STK39: variants seen among roughly 807,000 people sequenced by gnomAD.
STK39 encodes the protein serine/threonine kinase 39, also known as STE20/SPS1-related proline-alanine-rich protein kinase.
A neutral mutation model predicts 77.8 loss-of-function variants in STK39; 20 were observed. The ratio of observed to expected loss-of-function variants is 0.26; its 90% CI spans 0.18 to 0.37. The LOEUF is 0.37. Ranked by LOEUF, STK39 falls within the 10% of genes least tolerant of loss-of-function variation. The pLI, the probability that STK39 is intolerant of heterozygous loss-of-function variation, is 1.00. For synonymous variants in STK39, 246 were observed against 234.1 expected, an observed-to-expected ratio of 1.05 and a Z score of -0.47; for missense variants, 479 against 656.5, an observed-to-expected ratio of 0.73 and a Z score of 2.95.
intron 10 of STK39, among the ~76,000 whole-genome samples, chr2:168,085,766 AACAG>A (rs540287021): frequency 1.1e-3 from 169 of 152,302 alleles, no homozygotes; most frequent in African/African-American, 3.9e-3. Context: ...CTTCACTACC[AACAG>A]ACAGAGTCCA....
At chr2:168,206,576 C>T (rs1275637176) in intron 1 of STK39, among the ~76,000 whole-genome samples, 2 of 152,212 alleles carry the variant, frequency 1.3e-5, no homozygotes, top group African/African-American at 4.8e-5. Context: ...GCTGGGATTA[C>T]AGGCATGAGC....
intron 5 of STK39, among the ~76,000 whole-genome samples, chr2:168,146,841 G>A (rs1454241884): frequency 1.3e-5 from 2 of 152,100 alleles, no homozygotes; most frequent in African/African-American, 2.4e-5. Context: ...TAGAGAGGTT[G>A]GAAATGGAGA....
chr2:168,236,806 A>G (rs1004524774), intron 1 of STK39, among the ~76,000 whole-genome samples: 12 of 152,120 alleles, frequency 7.9e-5, no homozygotes, highest in Admixed American at 2.0e-4. Context: ...CCATTGGTCT[A>G]TATCTCTGTT....
chr2:168,122,551 C>T (rs1687435685), intron 10 of STK39, among the ~76,000 whole-genome samples: 1 of 152,106 alleles, frequency 6.6e-6, no homozygotes, highest in African/African-American at 2.4e-5. Context: ...TCAATCCTCC[C>T]AACTCAGCCT....
At chr2:167,998,540 T>G (rs896068430) in intron 16 of STK39, among the ~76,000 whole-genome samples, 9 of 152,214 alleles carry the variant, frequency 5.9e-5, no homozygotes, top group Non-Finnish European at 8.8e-5. Flanking sequence ...TCATCTGTTT[T>G]GGGAATGTAC....
At chr2:168,101,899 C>T (rs1051234290) in intron 10 of STK39, among the ~76,000 whole-genome samples, 1 of 151,986 alleles carries the variant, frequency 6.6e-6, no homozygotes, top group Non-Finnish European at 1.5e-5. Flanking sequence ...TTGCTGTCAC[C>T]CCAAAAAGAA....
At chr2:167,994,072 TAC>T (rs1683768886) in intron 16 of STK39, among the ~76,000 whole-genome samples, 1 of 152,226 alleles carries the variant, frequency 6.6e-6, no homozygotes, top group East Asian at 1.9e-4. Flanking sequence ...TACAGTCTTA[TAC>T]CAACCAGTGA....
chr2:168,172,834 C>T (rs977952997), intron 2 of STK39, among the ~76,000 whole-genome samples: 6 of 152,194 alleles, frequency 3.9e-5, no homozygotes, highest in African/African-American at 1.4e-4. Flanking sequence ...TACTCAAGCT[C>T]CAAAATTGTA....
chr2:167,977,426 T>C (rs1484834815), intron 16 of STK39, among the ~76,000 whole-genome samples: 2 of 152,230 alleles, frequency 1.3e-5, no homozygotes, highest in East Asian at 1.9e-4. Context: ...GGTAAGCTTA[T>C]AGTTTAATTT....
At chr2:168,018,159 A>C (rs1340110277) in intron 14 of STK39, among the ~76,000 whole-genome samples, 1 of 152,218 alleles carries the variant, frequency 6.6e-6, no homozygotes, top group African/African-American at 2.4e-5. Context: ...AAAATATTAT[A>C]AGTATCAACA....
At chr2:168,176,009 T>A (rs1168465325) in intron 2 of STK39, among the ~76,000 whole-genome samples, 1 of 152,146 alleles carries the variant, frequency 6.6e-6, no homozygotes, top group Non-Finnish European at 1.5e-5. Flanking sequence ...TAAAAAACTC[T>A]ACAACAAATA....
intron 12 of STK39, among the ~76,000 whole-genome samples, chr2:168,072,816 G>A (rs184971229): frequency 3.3e-5 from 5 of 152,312 alleles, no homozygotes; most frequent in African/African-American, 1.2e-4. Context: ...AAGCATCACT[G>A]TAGCATCTCT....
At chr2:168,016,405 A>AAC (rs1317681393) in intron 15 of STK39, among the ~76,000 whole-genome samples, 4 of 150,850 alleles carry the variant, frequency 2.7e-5, no homozygotes, top group Non-Finnish European at 5.9e-5. Context: ...AAAAAAAAAA[A>AAC]AAAAAAAACA....
chr2:168,096,802 T>A (rs186839366), intron 10 of STK39, among the ~76,000 whole-genome samples: 78 of 152,284 alleles, frequency 5.1e-4, no homozygotes, highest in African/African-American at 1.7e-3. Context: ...GAAGTATTAA[T>A]GATATAATGT....
At chr2:168,049,845 C>T (rs571155734) in intron 14 of STK39, among the ~76,000 whole-genome samples, 129 of 152,254 alleles carry the variant, frequency 8.5e-4, no homozygotes, top group Non-Finnish European at 1.7e-3. Flanking sequence ...TGTAAGGTGG[C>T]ATTGTTTGTA....
intron 16 of STK39, among the ~76,000 whole-genome samples, chr2:167,987,542 C>T (rs1266303037): frequency 1.3e-5 from 2 of 151,998 alleles, no homozygotes; most frequent in Non-Finnish European, 2.9e-5. Flanking sequence ...TCATGGCTGT[C>T]CAATCATTTA....
Position 168,138,147 on chromosome 2 carries a change from C to G in STK39, c.915G>C (p.Lys305Asn). Residue 305 changes from lysine (K) to asparagine (N), a missense_variant, in exon 8 of 18, where the codon AAG becomes AAC. Physicochemically the swap from Lys to Asn is moderately conservative, Grantham distance 94. Coordinates refer to ENST00000355999, the MANE Select transcript of STK39 (RefSeq NM_013233.3). Reference protein sequence around the residue: ...TGVEDKEMMKKYGKSFRKLLS... With the variant: ...TGVEDKEMMKNYGKSFRKLLS... ...GTAATTTTCTAAAGGACTTGCCGTA[C>G]TTTTTCATCATTTCTTTATCCTCTA... The G allele has an allele frequency of 6.2e-7, 1 of 1,613,968 alleles. No homozygotes were observed. Among genetic ancestry groups the G allele is most frequent in the South Asian group, 1.1e-5 (1 of 91,066 alleles).
chr2:168,170,823 C>G (rs1171605075), intron 2 of STK39, among the ~76,000 whole-genome samples: 5 of 152,104 alleles, frequency 3.3e-5, no homozygotes, highest in Non-Finnish European at 5.9e-5. Context: ...AGAAGCAAAG[C>G]TGGAAATAAG....
intron 1 of STK39, among the ~76,000 whole-genome samples, chr2:168,236,369 A>G (rs996215929): frequency 6.6e-6 from 1 of 152,152 alleles, no homozygotes; most frequent in Non-Finnish European, 1.5e-5. Context: ...TCAGATGAGT[A>G]GATTGCAAAA....
Sources: allele counts gnomAD v4.1 joint callset (sites outside exome capture counted in the v4.1 genomes callset), GRCh38; gene constraint gnomAD v4.1.1; transcripts MANE v1.5; gene names NCBI Gene and HGNC (gene_info 2026-07-23, HGNC 2026-07-21).